NEBL: variants seen among roughly 807,000 people sequenced by gnomAD.
NEBL encodes the protein LIM and SH3 protein 2.
A neutral mutation model predicts 140.2 loss-of-function variants in NEBL; 122 were observed. That is an observed-to-expected ratio of 0.87 (90% CI 0.75 to 1.01). The LOEUF (loss-of-function observed/expected upper bound fraction) is 1.01, where lower values mean the gene tolerates loss of function less well. Ranked by LOEUF, NEBL falls within the 50% of genes least tolerant of loss-of-function variation. The pLI, the probability that NEBL is intolerant of heterozygous loss-of-function variation, is 0.00. For missense variants in NEBL, 1,365 were observed against 1,231.3 expected, an observed-to-expected ratio of 1.11 and a Z score of -1.62; for synonymous variants, 436 against 398.9, an observed-to-expected ratio of 1.09 and a Z score of -1.11.
chr10:20,864,029 T>A (rs1367474268), intron 7 of NEBL, among the ~76,000 whole-genome samples: 1 of 152,202 alleles, frequency 6.6e-6, no homozygotes, highest in Non-Finnish European at 1.5e-5. Flanking sequence ...TTCATGGCAA[T>A]TTATAATGTG....
chr10:20,790,595 T>TTC (rs910353889), intron 26 of NEBL, among the ~76,000 whole-genome samples: 34 of 147,228 alleles, frequency 2.3e-4, no homozygotes, highest in Non-Finnish European at 4.0e-4. Context: ...AGTGAAACTC[T>TTC]GTCTCAAAAA....
At chr10:20,797,161 T>C (rs1788366112) in intron 26 of NEBL, among the ~76,000 whole-genome samples, 1 of 152,222 alleles carries the variant, frequency 6.6e-6, no homozygotes, top group Non-Finnish European at 1.5e-5. Context: ...AATCCCAATT[T>C]TCCTCAGTGA....
At chr10:20,948,259 G>C (rs570427887) in intron 4 of NEBL, among the ~76,000 whole-genome samples, 4 of 152,294 alleles carry the variant, frequency 2.6e-5, no homozygotes, top group Non-Finnish European at 5.9e-5. Flanking sequence ...TTAACCATCT[G>C]TCCGGCCTCT....
intron 3 of NEBL, among the ~76,000 whole-genome samples, chr10:20,986,586 A>G (rs1409391674): frequency 6.6e-6 from 1 of 152,190 alleles, no homozygotes; most frequent in Non-Finnish European, 1.5e-5. Flanking sequence ...TTTCAAAAAT[A>G]AGTTCTGTGT....
chr10:20,919,769 C>T (rs1370047532), intron 4 of NEBL, among the ~76,000 whole-genome samples: 1 of 152,028 alleles, frequency 6.6e-6, no homozygotes, highest in Non-Finnish European at 1.5e-5. Flanking sequence ...GAAACCATTC[C>T]TAACTCAAAA....
chr10:21,210,434 A>G (rs1030488408), intron 3 of NEBL, among the ~76,000 whole-genome samples: 4 of 152,152 alleles, frequency 2.6e-5, no homozygotes, highest in Non-Finnish European at 5.9e-5. Flanking sequence ...TAAGAAAACC[A>G]AACTCTCCAG....
At chr10:21,226,895 G>T (rs532072903) in intron 3 of NEBL, among the ~76,000 whole-genome samples, 1 of 151,980 alleles carries the variant, frequency 6.6e-6, no homozygotes, top group African/African-American at 2.4e-5. Context: ...GTTCAATTTG[G>T]TGCTCCCATG....
intron 5 of NEBL, among the ~76,000 whole-genome samples, chr10:20,874,820 A>G (rs1401879142): frequency 6.6e-6 from 1 of 151,912 alleles, no homozygotes; most frequent in Non-Finnish European, 1.5e-5. Flanking sequence ...GCTCACTGTA[A>G]CCTCCACCTC....
chr10:20,836,521 C>T (rs1017120331), intron 13 of NEBL, among the ~76,000 whole-genome samples: 3 of 152,122 alleles, frequency 2.0e-5, no homozygotes, highest in Non-Finnish European at 4.4e-5. Flanking sequence ...CCGCATCTGG[C>T]CAATCAGTGA....
At chr10:20,924,434 A>AAG (rs1221324878) in intron 4 of NEBL, among the ~76,000 whole-genome samples, 1 of 150,720 alleles carries the variant, frequency 6.6e-6, no homozygotes, top group Non-Finnish European at 1.5e-5. Flanking sequence ...AAAAAAAAAA[A>AAG]AAAAGGCTAC....
At chr10:21,189,514 G>A (rs1013021340) in intron 3 of NEBL, among the ~76,000 whole-genome samples, 2 of 152,074 alleles carry the variant, frequency 1.3e-5, no homozygotes, top group African/African-American at 4.8e-5. Flanking sequence ...TCCCAGGCTG[G>A]AGTGCAGGGG....
intron 2 of NEBL, among the ~76,000 whole-genome samples, chr10:21,124,790 C>T (rs952193871): frequency 6.6e-6 from 1 of 152,120 alleles, no homozygotes; most frequent in Admixed American, 6.5e-5. Flanking sequence ...CCCATTGTTA[C>T]CAAAAATACA....
intron 7 of NEBL, chr10:20,868,117 G>A (rs1240971095): frequency 6.8e-6 from 1 of 147,276 alleles, no homozygotes; most frequent in African/African-American, 2.5e-5. Context: ...AATTCTGAAA[G>A]AACTGACATC....
At chr10:21,134,763 A>G (rs1564523080) in intron 2 of NEBL, among the ~76,000 whole-genome samples, 1 of 152,222 alleles carries the variant, frequency 6.6e-6, no homozygotes, top group Non-Finnish European at 1.5e-5. Flanking sequence ...CTGGGATCAA[A>G]TCACGTCTTG....
chr10:21,089,990 C>T (rs1290084339), intron 2 of NEBL, among the ~76,000 whole-genome samples: 2 of 152,050 alleles, frequency 1.3e-5, no homozygotes, highest in Non-Finnish European at 2.9e-5. Flanking sequence ...TTGATGACTC[C>T]CCGGTTTGTA....
upstream of NEBL, chr10:21,174,893 T>A (rs2132196589): frequency 6.6e-6 from 1 of 152,358 alleles, no homozygotes; most frequent in East Asian, 1.9e-4. Context: ...CTCTCTTGAT[T>A]AATAAATGAA....
At chr10:21,271,491 T>C (rs1406901174) in intron 1 of NEBL, among the ~76,000 whole-genome samples, 1 of 152,148 alleles carries the variant, frequency 6.6e-6, no homozygotes, top group Non-Finnish European at 1.5e-5. Flanking sequence ...ATAATGTTTG[T>C]ATACTTGAAA....
intron 3 of NEBL, among the ~76,000 whole-genome samples, chr10:21,235,032 C>T (rs1842329791): frequency 6.6e-6 from 1 of 152,158 alleles, no homozygotes; most frequent in African/African-American, 2.4e-5. Flanking sequence ...TGGTGGCACT[C>T]GCCTGTGGTC....
chr10:20,890,733 G>A (rs1421182339), intron 2 of NEBL, among the ~76,000 whole-genome samples: 3 of 152,230 alleles, frequency 2.0e-5, no homozygotes, highest in African/African-American at 4.8e-5. Context: ...GGCCAGAATT[G>A]TTATGCCGGG....
Sources: gnomAD v4.1 joint callset for allele counts (sites outside exome capture counted in the v4.1 genomes callset) on GRCh38, gnomAD v4.1.1 for gene constraint, MANE v1.5 for transcripts, NCBI Gene and HGNC (gene_info 2026-07-23, HGNC 2026-07-21) for gene names.